The following KLRG1 variants were observed in gnomAD, a reference collection of about 807,000 sequenced individuals.
KLRG1 encodes killer cell lectin-like receptor subfamily G member 1.
In KLRG1, 16 loss-of-function variants were observed where a neutral mutation model predicts 21.8. The observed-to-expected ratio is 0.73, with a 90% CI of 0.50 to 1.11. The LOEUF (loss-of-function observed/expected upper bound fraction) is 1.11. Among genes scored for constraint, KLRG1 ranks in the 50% most tolerant of loss-of-function variants. The pLI, the probability that KLRG1 is intolerant of heterozygous loss-of-function variation, is 0.00. For synonymous variants in KLRG1, 69 were observed against 75.9 expected, an observed-to-expected ratio of 0.91 and a Z score of 0.47; for missense variants, 173 against 218.3, an observed-to-expected ratio of 0.79 and a Z score of 1.31.
At chr12:8,974,312 C>T (rs188186783) in intron 1 of KLRG1, among the ~76,000 whole-genome samples, 66 of 152,112 alleles carry the variant, frequency 4.3e-4, no homozygotes, top group Non-Finnish European at 7.5e-4. Context: ...GGACTACAAG[C>T]GTCCACCACC....
At chr12:8,979,164 A>G (rs950811396) in intron 1 of KLRG1, among the ~76,000 whole-genome samples, 10 of 151,244 alleles carry the variant, frequency 6.6e-5, no homozygotes, top group African/African-American at 2.4e-4. Flanking sequence ...ACAGATGCCC[A>G]TCACCATGCC....
chr12:8,953,609 C>T (rs915811844), intron 1 of KLRG1, among the ~76,000 whole-genome samples: 1 of 152,060 alleles, frequency 6.6e-6, no homozygotes, highest in Non-Finnish European at 1.5e-5. Context: ...CTGCCTCCTG[C>T]GGCTATCATT....
the KLRG1 span, chr12:9,150,733 G>T: frequency 1.9e-6 from 3 of 1,610,488 alleles, no homozygotes; most frequent in Non-Finnish European, 2.5e-6. Flanking sequence ...AAAACTTAGC[G>T]TCTGATTTGT....
At chr12:9,098,841 T>C in the KLRG1 span, 1 of 1,477,520 alleles carries the variant, frequency 6.8e-7, no homozygotes, top group African/African-American at 1.4e-5. Context: ...GTTCCTCATG[T>C]ACAATGTATA....
the KLRG1 span, among the ~76,000 whole-genome samples, chr12:9,034,185 T>A: frequency 4.6e-5 from 7 of 152,220 alleles, no homozygotes; most frequent in Non-Finnish European, 7.3e-5. Flanking sequence ...AGATCACACA[T>A]ATGCCGTAAT....
chr12:9,001,803 C>G (rs915547426), intron 3 of KLRG1, among the ~76,000 whole-genome samples: 1 of 152,142 alleles, frequency 6.6e-6, no homozygotes, highest in Admixed American at 6.5e-5. Flanking sequence ...ATGATTTCAG[C>G]CATGGGTTTG....
the KLRG1 span, among the ~76,000 whole-genome samples, chr12:9,166,457 T>A: frequency 6.6e-6 from 1 of 152,122 alleles, no homozygotes; most frequent in South Asian, 2.1e-4. Flanking sequence ...AAAAACGAGA[T>A]CACTTGGAGA....
At chr12:9,051,948 T>C in the KLRG1 span, among the ~76,000 whole-genome samples, 146 of 152,326 alleles carry the variant, frequency 9.6e-4, 1 homozygote, top group Non-Finnish European at 2.9e-4. Flanking sequence ...GTTCCTTCGT[T>C]TCCCACCAAA....
chr12:9,061,307 C>T, the KLRG1 span, among the ~76,000 whole-genome samples: 3 of 151,850 alleles, frequency 2.0e-5, no homozygotes, highest in African/African-American at 7.3e-5. Context: ...AGAGATGGGG[C>T]CTTGCTATGT....
At chr12:9,070,631 T>C in the KLRG1 span, 1 of 1,266,698 alleles carries the variant, frequency 7.9e-7, no homozygotes, top group Non-Finnish European at 1.1e-6. Context: ...TTAAATATTT[T>C]CTTCTTCTAT....
chr12:9,161,055 G>A, the KLRG1 span: 1 of 1,599,820 alleles, frequency 6.3e-7, no homozygotes, highest in Non-Finnish European at 8.6e-7. Context: ...AAGAAGCTCT[G>A]GCAGATTCTT....
At chr12:8,976,924 T>A (rs956739579) in intron 1 of KLRG1, among the ~76,000 whole-genome samples, 1 of 151,788 alleles carries the variant, frequency 6.6e-6, no homozygotes, top group Non-Finnish European at 1.5e-5. Context: ...TTTTTTGTAT[T>A]TTTTTTAGTA....
chr12:9,101,553 G>A, the KLRG1 span: 1 of 1,613,944 alleles, frequency 6.2e-7, no homozygotes, highest in Non-Finnish European at 8.5e-7. Flanking sequence ...ATGAGACATG[G>A]GCTCAAGGTG....
chr12:9,159,959 C>A, the KLRG1 span: 1 of 1,613,446 alleles, frequency 6.2e-7, no homozygotes, highest in South Asian at 1.1e-5. Context: ...CTGGTTCCTG[C>A]CATATCGTTC....
the KLRG1 span, chr12:9,154,545 A>G: frequency 7.3e-7 from 1 of 1,368,188 alleles, no homozygotes; most frequent in Non-Finnish European, 1.0e-6. Context: ...CTTTTCCATT[A>G]ACTGTTCTAC....
the KLRG1 span, among the ~76,000 whole-genome samples, chr12:9,032,366 A>C: frequency 6.6e-6 from 1 of 152,362 alleles, no homozygotes; most frequent in African/African-American, 2.4e-5. Flanking sequence ...AGACTGATTG[A>C]AACCACCTTT....
the KLRG1 span, chr12:9,027,611 G>C: frequency 1.1e-6 from 1 of 872,596 alleles, no homozygotes; most frequent in Non-Finnish European, 1.9e-6. Flanking sequence ...CAAAGCATTG[G>C]CCTCCACCAC....
intron 1 of KLRG1, among the ~76,000 whole-genome samples, chr12:8,977,769 TTAAAA>T (rs1946682342): frequency 6.6e-6 from 1 of 152,214 alleles, no homozygotes; most frequent in Non-Finnish European, 1.5e-5. Flanking sequence ...TAACTTGTTG[TTAAAA>T]TAATCTATTT....
At chr12:9,158,450 G>A in the KLRG1 span, 1 of 1,614,050 alleles carries the variant, frequency 6.2e-7, no homozygotes, top group Non-Finnish European at 8.5e-7. Flanking sequence ...GTGACCCAGA[G>A]CTCCTGAAAC....
Sources: allele counts gnomAD v4.1 joint callset (sites outside exome capture counted in the v4.1 genomes callset), GRCh38; gene constraint gnomAD v4.1.1; transcripts MANE v1.5; gene names NCBI Gene and HGNC (gene_info 2026-07-23, HGNC 2026-07-21).